HNF4G: variants seen among roughly 807,000 people sequenced by gnomAD.
HNF4G encodes hepatocyte nuclear factor 4 gamma.
A neutral mutation model predicts 50.9 loss-of-function variants in HNF4G; 21 were observed. The ratio of observed to expected loss-of-function variants is 0.41; its 90% CI spans 0.29 to 0.59. The LOEUF is 0.59. Ranked by LOEUF, HNF4G falls within the 20% of genes least tolerant of loss-of-function variation. The pLI is 0.26. For missense variants in HNF4G, 527 were observed against 559.4 expected, an observed-to-expected ratio of 0.94 and a Z score of 0.58; for synonymous variants, 198 against 185.6, an observed-to-expected ratio of 1.07 and a Z score of -0.54.
chr8:75,420,643 C>A (rs2130488171), intron 1 of HNF4G, among the ~76,000 whole-genome samples: 1 of 152,262 alleles, frequency 6.6e-6, no homozygotes, highest in South Asian at 2.1e-4. Context: ...ATATTTTATC[C>A]TTTAGTTCTC....
At chr8:75,419,465 C>A (rs1004752588) in intron 1 of HNF4G, among the ~76,000 whole-genome samples, 1 of 152,190 alleles carries the variant, frequency 6.6e-6, no homozygotes, top group Non-Finnish European at 1.5e-5. Context: ...TCATGCTGAG[C>A]AAAAGTTTCA....
intron 1 of HNF4G, among the ~76,000 whole-genome samples, chr8:75,542,571 G>A (rs1806657754): frequency 6.7e-6 from 1 of 149,462 alleles, no homozygotes; most frequent in South Asian, 2.1e-4. Context: ...TATTGCTGGA[G>A]AATAGTGAAC....
chr8:75,500,641 A>AT, intron 2 of HNF4G, among the ~76,000 whole-genome samples: 1 of 152,284 alleles, frequency 6.6e-6, no homozygotes, highest in Admixed American at 6.5e-5. Flanking sequence ...CATATGGATA[A>AT]GAAAATGGGT....
intron 1 of HNF4G, among the ~76,000 whole-genome samples, chr8:75,470,066 T>C (rs945075556): frequency 6.6e-6 from 1 of 152,186 alleles, no homozygotes; most frequent in Non-Finnish European, 1.5e-5. Context: ...TCTTACTATC[T>C]GAATATCACC....
In HNF4G at chr8:75,539,917, C is replaced by A. The variant is rs1034600464; in HGVS notation, c.-46C>A. On this transcript the variant is annotated 5_prime_UTR_variant, in exon 1 of 10. Coordinates refer to ENST00000396423, the MANE Select transcript of HNF4G (RefSeq NM_004133.5). The stretch of plus-strand genomic sequence containing the variant: ...GCAAAACACATCAAAACACTCATCA[C>A]GCACTCTGGGCTTGTGGTGCCACTT... The A allele has an allele frequency of 2.3e-6, 2 of 854,094 alleles. No individual in the cohort carries two copies. The highest frequency in any genetic ancestry group is 4.9e-5 in the East Asian group (2 of 40,920). The allele number at this position is 854,094 out of a possible 1,614,324, so 52.9% of individuals were successfully genotyped here. A position where few individuals can be genotyped will look rare whatever the true frequency, so the allele number is the denominator to read the frequency against.
intron 2 of HNF4G, among the ~76,000 whole-genome samples, chr8:75,511,830 G>A (rs568914907): frequency 2.6e-5 from 4 of 152,244 alleles, no homozygotes; most frequent in Admixed American, 1.3e-4. Context: ...CACCCGCCTC[G>A]GCCTCCCAGA....
chr8:75,519,191 G>A (rs1321566148), intron 2 of HNF4G, among the ~76,000 whole-genome samples: 1 of 152,190 alleles, frequency 6.6e-6, no homozygotes, highest in African/African-American at 2.4e-5. Flanking sequence ...AGTCACCTTT[G>A]CTCCAGTTCC....
intron 1 of HNF4G, among the ~76,000 whole-genome samples, chr8:75,416,964 T>G (rs1810651457): frequency 6.6e-6 from 1 of 152,228 alleles, no homozygotes; most frequent in South Asian, 2.1e-4. Context: ...TTTAAAGTGC[T>G]CAGCATAGAG....
chr8:75,480,992 CA>C (rs569517241), intron 1 of HNF4G, among the ~76,000 whole-genome samples: 20 of 152,156 alleles, frequency 1.3e-4, no homozygotes, highest in Admixed American at 6.5e-5. Flanking sequence ...GCTAGGATTA[CA>C]GGCGTGAGCC....
upstream of HNF4G, among the ~76,000 whole-genome samples, chr8:75,538,042 C>T (rs1484406606): frequency 1.3e-5 from 2 of 152,132 alleles, no homozygotes; most frequent in Non-Finnish European, 2.9e-5. Context: ...GACTGAATTC[C>T]GTGGGTGTTT....
chr8:75,413,718 A>C (rs188935181), intron 1 of HNF4G, among the ~76,000 whole-genome samples: 5 of 151,996 alleles, frequency 3.3e-5, no homozygotes, highest in Non-Finnish European at 7.4e-5. Flanking sequence ...GAGCATGGGC[A>C]TGGTGGCGGG....
At chr8:75,448,419 T>G (rs1341022325) in intron 1 of HNF4G, among the ~76,000 whole-genome samples, 2 of 50,754 alleles carry the variant, frequency 3.9e-5, no homozygotes, top group African/African-American at 2.2e-4. Flanking sequence ...CCCTAAAACT[T>G]AAAGTATAAA....
chr8:75,491,768 G>C (rs114211951), intron 2 of HNF4G, among the ~76,000 whole-genome samples: 1 of 152,146 alleles, frequency 6.6e-6, no homozygotes, highest in Non-Finnish European at 1.5e-5. Flanking sequence ...GAGCCACCGC[G>C]TCAGGCCAGA....
intron 1 of HNF4G, among the ~76,000 whole-genome samples, chr8:75,426,013 C>G (rs1285607965): frequency 3.9e-5 from 6 of 152,000 alleles, no homozygotes; most frequent in Non-Finnish European, 8.8e-5. Context: ...TCTATTTTGT[C>G]AATTGGTAAG....
intron 1 of HNF4G, among the ~76,000 whole-genome samples, chr8:75,466,636 C>CCTTCCTTCGCCCTTCCCT (rs1197117089): frequency 2.6e-5 from 1 of 38,694 alleles, no homozygotes; most frequent in Admixed American, 3.1e-4. Flanking sequence ...TTCCTTCCTT[C>CCTTCCTTCGCCCTTCCCT]TCCCTTCCCT....
Position 75,560,347 on chromosome 8 carries a change from C to A in HNF4G, c.1127C>A (p.Ala376Asp). The A allele has an allele frequency of 6.2e-7, 1 of 1,612,908 alleles. No homozygotes were observed. The highest frequency in any genetic ancestry group is 8.5e-7 in the Non-Finnish European group (1 of 1,179,158). The change falls in exon 9 of 10, where the codon GCT becomes GAT. Residue 376 changes from alanine to aspartate, a missense_variant. Physicochemically the swap from Ala to Asp is moderately radical, Grantham distance 126 (BLOSUM62 -2). This residue lies in a region of HNF4G where 308 missense variants were observed against 301.5 expected (regional missense o/e 1.02). Transcript: ENST00000396423. ...AGCATCTTTTTATCTTTTGTAGGGG[C>A]TTCCAATGATGGCAGTCATCTCCAT... ...NLLQEMLLGGASNDGSHLHHP... is the reference protein window; with the variant it reads ...NLLQEMLLGGDSNDGSHLHHP...
intron 1 of HNF4G, among the ~76,000 whole-genome samples, chr8:75,445,304 C>G (rs371734155): frequency 3.8e-4 from 19 of 50,492 alleles, no homozygotes; most frequent in Admixed American, 1.1e-3. Flanking sequence ...ATTTATAGCA[C>G]TAAATGCCCA....
chr8:75,558,440 T>C, intron 6 of HNF4G, 78 bp from the exon 7 acceptor site: 1 of 1,370,028 alleles, frequency 7.3e-7, no homozygotes, highest in Non-Finnish European at 1.0e-6. Context: ...ACCGGTTTGT[T>C]AAATTTTAAA....
intron 2 of HNF4G, chr8:75,495,371 G>A: frequency 6.6e-6 from 1 of 152,152 alleles, no homozygotes; most frequent in South Asian, 2.1e-4. Flanking sequence ...TATTAAAGAA[G>A]ACTTTGGATT....
Sources: allele counts gnomAD v4.1 joint callset (sites outside exome capture counted in the v4.1 genomes callset), GRCh38; gene constraint gnomAD v4.1.1; regional missense constraint gnomAD v4.1.1; transcripts MANE v1.5; gene names NCBI Gene and HGNC (gene_info 2026-07-23, HGNC 2026-07-21).